KCNN2: variants seen among roughly 807,000 people sequenced by gnomAD.
KCNN2 encodes potassium calcium-activated channel subfamily N member 2.
Under a neutral mutation model 55.5 loss-of-function variants are expected in KCNN2, and 24 were observed. That is an observed-to-expected ratio of 0.43 (90% CI 0.31 to 0.61). KCNN2 has a LOEUF of 0.61. Ranked by LOEUF, KCNN2 falls within the 20% of genes least tolerant of loss-of-function variation. The pLI, the probability that KCNN2 is intolerant of heterozygous loss-of-function variation, is 0.08. For missense variants in KCNN2, 754 were observed against 853.6 expected (o/e 0.88, Z 1.45); for synonymous variants, 431 against 336.1 (o/e 1.28, Z -3.09).
At chr5:114,396,814 G>A (rs946309994) in intron 2 of KCNN2, among the ~76,000 whole-genome samples, 1 of 152,066 alleles carries the variant, frequency 6.6e-6, no homozygotes, top group African/African-American at 2.4e-5. Flanking sequence ...AAAAGTGCTG[G>A]GGTTACAGGC....
At chr5:114,076,405 G>A (rs1296977641) in intron 1 of KCNN2, among the ~76,000 whole-genome samples, 1 of 152,320 alleles carries the variant, frequency 6.6e-6, no homozygotes, top group East Asian at 1.9e-4. Context: ...TGTGGAGTGA[G>A]TAGAAAGAGG....
At chr5:114,474,107 C>G (rs1761867975) in intron 5 of KCNN2, among the ~76,000 whole-genome samples, 1 of 152,088 alleles carries the variant, frequency 6.6e-6, no homozygotes, top group Non-Finnish European at 1.5e-5. Context: ...ATAAATGAAT[C>G]AATAGATATT....
At chr5:114,252,571 T>G (rs1254961116) in intron 2 of KCNN2, among the ~76,000 whole-genome samples, 1 of 151,868 alleles carries the variant, frequency 6.6e-6, no homozygotes, top group African/African-American at 2.4e-5. Flanking sequence ...GCCCTTAGTT[T>G]TATCCCATTT....
At chr5:114,295,510 G>A (rs992081419) in intron 2 of KCNN2, among the ~76,000 whole-genome samples, 10 of 152,148 alleles carry the variant, frequency 6.6e-5, no homozygotes, top group East Asian at 1.9e-4. Context: ...AGCCATGTGC[G>A]GGATATAATC....
chr5:114,098,077 T>C (rs971223661), intron 1 of KCNN2, among the ~76,000 whole-genome samples: 2 of 152,170 alleles, frequency 1.3e-5, no homozygotes, highest in African/African-American at 4.8e-5. Context: ...TTCTAGTTTC[T>C]AGAGGCTGTG....
At position 114,495,989 on chromosome 5, in the gene KCNN2, C is replaced by T. The variant is rs987682424; in HGVS notation, c.2183C>T (p.Thr728Ile). 3.1e-6 allele frequency: 5 copies of T among 1,613,944 alleles called. No homozygotes were observed. Among genetic ancestry groups the T allele is most frequent in the Non-Finnish European group, 4.2e-6 (5 of 1,179,978 alleles). Residue 728 changes from threonine to isoleucine, a missense_variant, in exon 8 of 8, where the codon ACT becomes ATT. Physicochemically the swap from Thr to Ile is moderately conservative, Grantham distance 89. Around this residue, in one of 4 missense-constraint regions of KCNN2, gnomAD observed 164 missense variants for 156.6 expected, o/e 1.05. Transcript: ENST00000673685. ...RIVTLETKLE[T>I]LIGSIHALPG... Reference sequence around the variant, plus strand: ...GTTACCCTGGAAACAAAACTAGAGACTTTGATTGGTAGCATCCACGCCCTC... The same window carrying T: ...GTTACCCTGGAAACAAAACTAGAGATTTTGATTGGTAGCATCCACGCCCTC...
At chr5:114,251,733 C>A (rs1003863619) in intron 2 of KCNN2, among the ~76,000 whole-genome samples, 1 of 152,022 alleles carries the variant, frequency 6.6e-6, no homozygotes, top group African/African-American at 2.4e-5. Context: ...TGGTTGCTTT[C>A]TTTTTATTTT....
At chr5:114,339,486 A>AT (rs1197087718) in intron 2 of KCNN2, among the ~76,000 whole-genome samples, 2 of 152,168 alleles carry the variant, frequency 1.3e-5, no homozygotes, top group East Asian at 1.9e-4. Flanking sequence ...AAAATGTTGG[A>AT]TTTTTTCATG....
intron 1 of KCNN2, among the ~76,000 whole-genome samples, chr5:114,074,293 C>CATGTGTGTGTGT (rs1371308634): frequency 6.9e-5 from 10 of 144,504 alleles, no homozygotes; most frequent in African/African-American, 2.1e-4. Flanking sequence ...GCCATGTTTG[C>CATGTGTGTGTGT]GTGTGTGTGT....
At chr5:114,101,041 A>T (rs1561475935) in intron 1 of KCNN2, among the ~76,000 whole-genome samples, 1 of 152,004 alleles carries the variant, frequency 6.6e-6, no homozygotes, top group Non-Finnish European at 1.5e-5. Flanking sequence ...TAATAACTTT[A>T]TATTTTTCAC....
At chr5:114,363,885 T>G in intron 1 of KCNN2, 21 bp from the exon 2 acceptor site, 2 of 1,596,668 alleles carry the variant, frequency 1.3e-6, no homozygotes, top group Non-Finnish European at 1.7e-6. Flanking sequence ...TTAAAAGTGC[T>G]TCTGTCTGAC....
chr5:114,369,725 T>C (rs1258759257), intron 2 of KCNN2, among the ~76,000 whole-genome samples: 1 of 152,280 alleles, frequency 6.6e-6, no homozygotes, highest in East Asian at 1.9e-4. Context: ...TCCGCCTGCT[T>C]GTGTAAAGAT....
At chr5:114,319,176 A>C (rs1160330247) in intron 2 of KCNN2, among the ~76,000 whole-genome samples, 1 of 152,152 alleles carries the variant, frequency 6.6e-6, no homozygotes, top group African/African-American at 2.4e-5. Flanking sequence ...TGAGCGGGAA[A>C]GCAGCTAAGT....
At chr5:114,160,522 A>T (rs1175045541) in intron 1 of KCNN2, among the ~76,000 whole-genome samples, 1 of 152,016 alleles carries the variant, frequency 6.6e-6, no homozygotes, top group African/African-American at 2.4e-5. Context: ...TATTAGGTCC[A>T]CTTGGTGCAG....
At chr5:114,059,793 C>T (rs1233344500) in intron 1 of KCNN2, among the ~76,000 whole-genome samples, 2 of 152,148 alleles carry the variant, frequency 1.3e-5, no homozygotes, top group East Asian at 3.8e-4. Flanking sequence ...CCCTGAAGGT[C>T]AAACAAGGAA....
At position 114,057,158 on chromosome 5, in the gene KCNN2, C is replaced by T. The variant is rs1210979151; in HGVS notation, c.-271+658C>T. On this transcript the variant is annotated intron_variant, in intron 1 of 10. Transcript: ENST00000512097. ...TGCAGAGCTTGCAGGAAGGAGGAAACTCACTAGGTTCAGGTTGGTTTGGTG... is the reference window on the plus strand; with the variant it reads ...TGCAGAGCTTGCAGGAAGGAGGAAATTCACTAGGTTCAGGTTGGTTTGGTG... 3.3e-5 allele frequency: 5 copies of T among 152,206 alleles called. No homozygotes were observed. The East Asian group carries it at 7.7e-4, about 23-fold the overall frequency. 9.4% of individuals were successfully genotyped at this position (152,206 alleles called of 1,614,324 possible).
intron 1 of KCNN2, among the ~76,000 whole-genome samples, chr5:114,159,053 G>A (rs1398045061): frequency 6.6e-6 from 1 of 152,160 alleles, no homozygotes; most frequent in Non-Finnish European, 1.5e-5. Context: ...GGAAAGGAGT[G>A]GTGAGAGAGG....
At chr5:114,284,750 C>T (rs995659295) in intron 2 of KCNN2, among the ~76,000 whole-genome samples, 1 of 151,626 alleles carries the variant, frequency 6.6e-6, no homozygotes, top group Non-Finnish European at 1.5e-5. Context: ...GATCTCCTGA[C>T]CTGGTGATCC....
chr5:114,247,845 A>C (rs1414712852), intron 2 of KCNN2, among the ~76,000 whole-genome samples: 1 of 152,124 alleles, frequency 6.6e-6, no homozygotes, highest in Non-Finnish European at 1.5e-5. Flanking sequence ...ATTATGTCTT[A>C]GGTGGGTTTC....
Sources: allele counts gnomAD v4.1 joint callset (sites outside exome capture counted in the v4.1 genomes callset), GRCh38; gene constraint gnomAD v4.1.1; regional missense constraint gnomAD v4.1.1; transcripts MANE v1.5; gene names NCBI Gene and HGNC (gene_info 2026-07-23, HGNC 2026-07-21).